ACYP2: variants seen among roughly 807,000 people sequenced by gnomAD.
ACYP2 encodes acylphosphatase-2.
Under a neutral mutation model 11.2 loss-of-function variants are expected in ACYP2, and 12 were observed. That is an observed-to-expected ratio of 1.08 (90% CI 0.69 to 1.74). The LOEUF (loss-of-function observed/expected upper bound fraction) is 1.74. Among genes scored for constraint, ACYP2 ranks in the 40% most tolerant of loss-of-function variants. The probability of loss-of-function intolerance (pLI) is 0.00; values close to 1 mark genes in which losing one functional copy is unlikely to be tolerated. For missense variants in ACYP2, 134 were observed against 101.9 expected (o/e 1.31, Z -1.35); for synonymous variants, 43 against 32.2 (o/e 1.33, Z -1.13).
intron 6 of ACYP2, among the ~76,000 whole-genome samples, chr2:54,156,867 C>T (rs968749491): frequency 1.3e-5 from 2 of 152,094 alleles, no homozygotes; most frequent in Non-Finnish European, 2.9e-5. Flanking sequence ...GCGGTTTCAC[C>T]ATGTTGGCTA....
intron 6 of ACYP2, among the ~76,000 whole-genome samples, chr2:54,197,939 ATTATATTGTAT>A (rs1558605279): frequency 1.2e-4 from 9 of 72,438 alleles, no homozygotes; most frequent in East Asian, 1.2e-3. Flanking sequence ...TTATGTATGT[ATTATATTGTAT>A]TGTATTGTAT....
intron 2 of ACYP2, among the ~76,000 whole-genome samples, chr2:54,014,578 C>G (rs1321606766): frequency 6.6e-6 from 1 of 152,152 alleles, no homozygotes; most frequent in Non-Finnish European, 1.5e-5. Context: ...ACCTTGGCCT[C>G]CCAAAGTGCT....
At chr2:54,292,902 C>T (rs1017489192) in intron 6 of ACYP2, among the ~76,000 whole-genome samples, 3 of 152,142 alleles carry the variant, frequency 2.0e-5, no homozygotes, top group Non-Finnish European at 2.9e-5. Flanking sequence ...TTTGTTATTC[C>T]AGTTCTTCCA....
At chr2:53,976,472 G>C (rs907095197) in intron 2 of ACYP2, among the ~76,000 whole-genome samples, 2 of 152,184 alleles carry the variant, frequency 1.3e-5, no homozygotes, top group Non-Finnish European at 2.9e-5. Flanking sequence ...CTCCCAAAGT[G>C]CTGGGATTAC....
chr2:54,015,845 G>A (rs1458034507), intron 2 of ACYP2, among the ~76,000 whole-genome samples: 1 of 151,938 alleles, frequency 6.6e-6, no homozygotes, highest in African/African-American at 2.4e-5. Flanking sequence ...TTATATTTTT[G>A]GAGAGATGGG....
At chr2:54,200,284 C>T (rs1364221071) in intron 6 of ACYP2, among the ~76,000 whole-genome samples, 1 of 152,088 alleles carries the variant, frequency 6.6e-6, no homozygotes, top group South Asian at 2.1e-4. Context: ...TACATATATA[C>T]ATGTGCATAT....
intron 2 of ACYP2, among the ~76,000 whole-genome samples, chr2:54,047,248 C>G (rs1675574098): frequency 6.6e-6 from 1 of 152,186 alleles, no homozygotes; most frequent in African/African-American, 2.4e-5. Flanking sequence ...CATTTTGTGC[C>G]AGAACCGCAG....
intron 2 of ACYP2, among the ~76,000 whole-genome samples, chr2:54,036,089 C>A (rs1674883858): frequency 6.6e-6 from 1 of 152,032 alleles, no homozygotes; most frequent in Non-Finnish European, 1.5e-5. Context: ...ATACATATTT[C>A]TTTTTTTGTT....
At chr2:54,251,989 TCTGA>T (rs903867632) in intron 6 of ACYP2, among the ~76,000 whole-genome samples, 18 of 152,194 alleles carry the variant, frequency 1.2e-4, no homozygotes, top group African/African-American at 4.1e-4. Flanking sequence ...ACACTGACAC[TCTGA>T]CTATTGAGTT....
At chr2:54,288,768 C>G (rs1689186372) in intron 6 of ACYP2, among the ~76,000 whole-genome samples, 1 of 151,928 alleles carries the variant, frequency 6.6e-6, no homozygotes, top group African/African-American at 2.4e-5. Context: ...TAGTTTTTTT[C>G]TTTCTGTGAT....
chr2:54,008,201 C>G (rs945175834), intron 2 of ACYP2, among the ~76,000 whole-genome samples: 1 of 152,178 alleles, frequency 6.6e-6, no homozygotes, highest in African/African-American at 2.4e-5. Flanking sequence ...ATTCAAAGAC[C>G]ATGCAGCTGC....
At chr2:54,003,115 A>G (rs1005593665) in intron 2 of ACYP2, among the ~76,000 whole-genome samples, 2 of 151,548 alleles carry the variant, frequency 1.3e-5, no homozygotes, top group Non-Finnish European at 2.9e-5. Flanking sequence ...TGCACAGCTA[A>G]TTTTTTTATT....
chr2:54,176,007 G>T (rs1683444211), intron 6 of ACYP2, among the ~76,000 whole-genome samples: 1 of 152,096 alleles, frequency 6.6e-6, no homozygotes, highest in Non-Finnish European at 1.5e-5. Context: ...TACATTGAAG[G>T]CACCATCCAT....
At chr2:54,002,980 C>A (rs996565386) in intron 2 of ACYP2, among the ~76,000 whole-genome samples, 1 of 149,666 alleles carries the variant, frequency 6.7e-6, no homozygotes, top group Non-Finnish European at 1.5e-5. Context: ...CAGAGTCTCA[C>A]TCTGTCAACC....
intron 6 of ACYP2, among the ~76,000 whole-genome samples, chr2:54,256,472 G>A (rs776466273): frequency 1.3e-5 from 2 of 152,168 alleles, no homozygotes; most frequent in African/African-American, 2.4e-5. Context: ...ATTCTCTCTT[G>A]TGCAGTATCC....
chr2:54,081,005 C>CT (rs1677617072), intron 4 of ACYP2, among the ~76,000 whole-genome samples: 1 of 152,188 alleles, frequency 6.6e-6, no homozygotes, highest in Admixed American at 6.5e-5. Context: ...GAGAAAACCT[C>CT]TATCATGTTT....
chr2:54,249,084 T>C (rs967979242), intron 6 of ACYP2, among the ~76,000 whole-genome samples: 18 of 152,014 alleles, frequency 1.2e-4, no homozygotes, highest in African/African-American at 4.4e-4. Context: ...TTGGATGCAG[T>C]AGTAGGGTGT....
chr2:54,102,104 A>G (rs1364338358), intron 4 of ACYP2, among the ~76,000 whole-genome samples: 1 of 152,186 alleles, frequency 6.6e-6, no homozygotes, highest in Non-Finnish European at 1.5e-5. Context: ...AATGTATATA[A>G]TTTTTAAGGC....
At chr2:54,133,921 A>G (rs760390758) in intron 4 of ACYP2, among the ~76,000 whole-genome samples, 1 of 152,180 alleles carries the variant, frequency 6.6e-6, no homozygotes, top group Non-Finnish European at 1.5e-5. Context: ...TCTGTCTGAG[A>G]TGAGACTCCT....
Sources: allele counts gnomAD v4.1 joint callset (sites outside exome capture counted in the v4.1 genomes callset), GRCh38; gene constraint gnomAD v4.1.1; transcripts MANE v1.5; gene names NCBI Gene and HGNC (gene_info 2026-07-23, HGNC 2026-07-21).